KIF15: variants seen among roughly 807,000 people sequenced by gnomAD.
KIF15 encodes the protein kinesin family member 15, also known as kinesin-like protein KIF15.
Under a neutral mutation model 190.6 loss-of-function variants are expected in KIF15, and 140 were observed. The observed-to-expected ratio is 0.73, with a 90% CI of 0.64 to 0.84. The LOEUF (loss-of-function observed/expected upper bound fraction) is 0.84, where lower values mean the gene tolerates loss of function less well. Among genes scored for constraint, KIF15 ranks in the 40% least tolerant of loss-of-function variants. The pLI is 0.00. For synonymous variants in KIF15, 528 were observed against 551.3 expected (o/e 0.96, Z 0.59); for missense variants, 1,372 against 1,584.4 (o/e 0.87, Z 2.28).
At chr3:44,780,310 A>C (rs989809401) in intron 4 of KIF15, among the ~76,000 whole-genome samples, 1 of 152,164 alleles carries the variant, frequency 6.6e-6, no homozygotes, top group Non-Finnish European at 1.5e-5. Context: ...ACATTGCACA[A>C]AAACCTATAG....
At chr3:44,800,494 G>A (rs562549293) in intron 11 of KIF15, 57 bp downstream of exon 11, 1 of 1,575,508 alleles carries the variant, frequency 6.3e-7, no homozygotes, top group African/African-American at 1.4e-5. Flanking sequence ...AATAGTTTAA[G>A]AGCCCTTGGT....
At position 44,848,003 on chromosome 3, in the gene KIF15, T is replaced by A; in HGVS notation, c.3714T>A (p.Asp1238Glu). Residue 1238 changes from aspartate to glutamate, a missense_variant, in exon 31 of 35, where the codon GAT becomes GAA. Asp to Glu is a conservative substitution (Grantham distance 45). Transcript: ENST00000326047. ...TATGCAGTGATCAGAATCATCCAGATAATCAACAGCTGAAGAATGAACAAG... is the reference window on the plus strand; with the variant it reads ...TATGCAGTGATCAGAATCATCCAGAAAATCAACAGCTGAAGAATGAACAAG... ...QKENSDQNHP[D>E]NQQLKNEQEE... The A allele has an allele frequency of 6.2e-7, 1 of 1,611,324 alleles. No homozygotes were observed. Among genetic ancestry groups the A allele is most frequent in the African/African-American group, 1.3e-5 (1 of 74,932 alleles).
At chr3:44,851,707 C>A in intron 32 of KIF15, 80 bp from the exon 33 acceptor site, 1 of 1,164,592 alleles carries the variant, frequency 8.6e-7, no homozygotes, top group Non-Finnish European at 1.2e-6. Context: ...TCTGGCCTTG[C>A]AGTACACATG....
rs1575572582 is a variant in KIF15 at position 44,769,143 on chromosome 3, G to T, written c.20-5252G>T. On this transcript the variant is annotated intron_variant, in intron 1 of 34. Transcript: ENST00000326047. ...GCAGTTTAGAGGATGGATCCAAGGG[G>T]AGTGTGCTGTAGTAAGGAGACACAA... Among the ~76,000 whole-genome samples the T allele has an allele frequency of 3.3e-5, 5 of 152,338 alleles. No individual in the cohort carries two copies. The South Asian group carries it at 1.0e-3, about 32-fold the overall frequency.
intron 30 of KIF15, among the ~76,000 whole-genome samples, chr3:44,845,404 C>T (rs951930400): frequency 6.6e-6 from 1 of 151,984 alleles, no homozygotes; most frequent in Non-Finnish European, 1.5e-5. Flanking sequence ...ATGATGGAAG[C>T]AGTTTTGGAG....
intron 7 of KIF15, among the ~76,000 whole-genome samples, chr3:44,787,418 A>G (rs1706457977): frequency 6.6e-6 from 1 of 152,160 alleles, no homozygotes; most frequent in African/African-American, 2.4e-5. Context: ...TATGAAATCT[A>G]CGTTGCATTT....
intron 10 of KIF15, chr3:44,799,317 G>A (rs928971837): frequency 3.5e-5 from 16 of 456,564 alleles, no homozygotes; most frequent in Non-Finnish European, 6.6e-5. Flanking sequence ...CCTATCAGTG[G>A]AAAGTGCCAG....
chr3:44,790,893 G>A (rs1052515458), intron 7 of KIF15, among the ~76,000 whole-genome samples: 1 of 151,920 alleles, frequency 6.6e-6, no homozygotes, highest in Non-Finnish European at 1.5e-5. Flanking sequence ...AGGTTGGCCA[G>A]GATGGTCTCT....
chr3:44,840,700 G>T (rs1698554909), intron 28 of KIF15, among the ~76,000 whole-genome samples: 1 of 101,536 alleles, frequency 9.8e-6, no homozygotes, highest in Admixed American at 1.6e-4. Flanking sequence ...ATGGAGTCTT[G>T]CTCTGTCACC....
At chr3:44,868,597 CCCTCATCAGAA>C (rs1699344884) in intron 6 of KIF15, among the ~76,000 whole-genome samples, 1 of 152,092 alleles carries the variant, frequency 6.6e-6, no homozygotes, top group African/African-American at 2.4e-5. Flanking sequence ...AGGAAAAGGG[CCCTCATCAGAA>C]CCTGAATTTG....
chr3:44,794,242 G>A lies in KIF15; in HGVS notation c.665G>A (p.Arg222Lys), dbSNP rs1706860153. ...GTGTTGTCTGGAGGATGGAGGAATAGACGTGTGGCATCAACATCAATGAAC... is the reference window on the plus strand; with the variant it reads ...GTGTTGTCTGGAGGATGGAGGAATAAACGTGTGGCATCAACATCAATGAAC... ...YQVLSGGWRN[R>K]RVASTSMNRE... The change falls in exon 8 of 35, where the codon AGA becomes AAA. Residue 222 changes from arginine to lysine, a missense_variant. Physicochemically the swap from Arg to Lys is conservative, Grantham distance 26. Transcript: ENST00000326047. 1 of 1,613,750 alleles carries A rather than the reference G, an allele frequency of 6.2e-7. No homozygotes were observed. Among genetic ancestry groups the A allele is most frequent in the Non-Finnish European group, 8.5e-7 (1 of 1,179,876 alleles).
chr3:44,863,511 G>C (rs1699286621), intron 6 of KIF15: 1 of 152,182 alleles, frequency 6.6e-6, no homozygotes, highest in Non-Finnish European at 1.5e-5. Flanking sequence ...CTCAGGCAAG[G>C]CTGTGCCCTA....
chr3:44,855,283 C>T (rs947323713), downstream of KIF15, among the ~76,000 whole-genome samples: 4 of 152,104 alleles, frequency 2.6e-5, no homozygotes, highest in African/African-American at 9.7e-5. Context: ...GAGGAGATTA[C>T]AAAGAACCTT....
At chr3:44,819,302 G>A (rs1708159370) in intron 20 of KIF15, among the ~76,000 whole-genome samples, 1 of 152,016 alleles carries the variant, frequency 6.6e-6, no homozygotes, top group African/African-American at 2.4e-5. Flanking sequence ...GAATTTGTTT[G>A]CTCTTGCTTC....
chr3:44,805,177 T>C lies in KIF15; in HGVS notation c.1829+9T>C. On this transcript the variant is annotated intron_variant, in intron 15 of 34. Transcript: ENST00000326047. Reference sequence around the variant, plus strand: ...TTCAAAGAACTTACTAGGTAAAGTCTAAATACACATGCATGCACACTTATT... The same window carrying C: ...TTCAAAGAACTTACTAGGTAAAGTCCAAATACACATGCATGCACACTTATT... 1 of 1,607,210 alleles carries C rather than the reference T, an allele frequency of 6.2e-7. No individual in the cohort carries two copies. The highest frequency in any genetic ancestry group is 8.5e-7 in the Non-Finnish European group (1 of 1,177,292).
chr3:44,831,094 TAATG>T, intron 26 of KIF15, 76 bp downstream of exon 26: 1 of 1,462,726 alleles, frequency 6.8e-7, no homozygotes, highest in Non-Finnish European at 9.3e-7. Flanking sequence ...TGGAAGTTAT[TAATG>T]AATAAATACA....
intron 1 of KIF15, among the ~76,000 whole-genome samples, chr3:44,771,608 T>G (rs1423968270): frequency 2.0e-5 from 3 of 152,216 alleles, no homozygotes; most frequent in Non-Finnish European, 2.9e-5. Context: ...TTTGATTTTA[T>G]GAAATAGAAT....
At chr3:44,763,290 A>G (rs1705227932) in intron 1 of KIF15, among the ~76,000 whole-genome samples, 1 of 152,062 alleles carries the variant, frequency 6.6e-6, no homozygotes, top group South Asian at 2.1e-4. Flanking sequence ...TTGTGCCCCG[A>G]AGGCTATCTC....
rs1165872433 is a variant in KIF15 at position 44,807,656 on chromosome 3, A to G, written c.1971+1670A>G. ...CACCAAGTATTTTCTCACTTTACAC[A>G]AATGGTGGCATAACATACACATCAT... On this transcript the variant is annotated intron_variant, in intron 16 of 34. Transcript: ENST00000326047. Among the ~76,000 whole-genome samples, 3 of 152,126 alleles carry G rather than the reference A, an allele frequency of 2.0e-5. No individual in the cohort carries two copies. The East Asian group carries it at 5.8e-4, about 29-fold the overall frequency.
Sources: gnomAD v4.1 joint callset for allele counts (sites outside exome capture counted in the v4.1 genomes callset) on GRCh38, gnomAD v4.1.1 for gene constraint, MANE v1.5 for transcripts, NCBI Gene and HGNC (gene_info 2026-07-23, HGNC 2026-07-21) for gene names.